The following SSBP4 variants were observed in gnomAD, a reference collection of about 807,000 sequenced individuals.
The protein encoded by SSBP4 is single stranded DNA binding protein 4.
In SSBP4, 33 loss-of-function variants were observed where a neutral mutation model predicts 64.6. That is an observed-to-expected ratio of 0.51 (90% CI 0.39 to 0.68). SSBP4 has a LOEUF of 0.68. SSBP4 is among the 30% of genes least tolerant of loss of function. The probability of loss-of-function intolerance (pLI) is 0.00; values close to 1 mark genes in which losing one functional copy is unlikely to be tolerated. For missense variants in SSBP4, 583 were observed against 566.8 expected, an observed-to-expected ratio of 1.03 and a Z score of -0.29; for synonymous variants, 243 against 224.0, an observed-to-expected ratio of 1.08 and a Z score of -0.76.
At chr19:18,432,949 TG>T (rs1481998906) in intron 13 of SSBP4, 23 bp from the exon 14 acceptor site, 7 of 1,613,984 alleles carry the variant, frequency 4.3e-6, no homozygotes, top group African/African-American at 1.3e-5. Context: ...CCGTCACACC[TG>T]GCACCCTTCT....
upstream of SSBP4, among the ~76,000 whole-genome samples, chr19:18,414,294 T>G (rs8111824): frequency 0.2 from 30,345 of 152,056 alleles, 3,121 homozygotes; most frequent in Admixed American, 0.25. Flanking sequence ...CGTCCTTGGT[T>G]CCTTTACGAG....
In SSBP4 at chr19:18,434,233, C is replaced by T; in HGVS notation, c.1145C>T (p.Thr382Ile). The T allele has an allele frequency of 6.2e-7, 1 of 1,611,898 alleles. No homozygotes were observed. Among genetic ancestry groups the T allele is most frequent in the South Asian group, 1.1e-5 (1 of 91,034 alleles). ...FPSESYSPGM[T>I]MSV is the part of the protein sequence containing the mutation. ...TCTCCGCAGTACTCGCCAGGGATGA[C>T]CATGAGCGTGTGATGGGGCGGCAGC... is the stretch of plus-strand genomic sequence containing the variant. Residue 382 changes from threonine (T) to isoleucine (I), a missense_variant, in exon 18 of 18, where the codon ACC (threonine) becomes ATC (isoleucine). Transcript: ENST00000270061.
At chr19:18,421,298 A>C (rs961271870) in intron 1 of SSBP4, among the ~76,000 whole-genome samples, 2 of 152,156 alleles carry the variant, frequency 1.3e-5, no homozygotes, top group Non-Finnish European at 2.9e-5. Flanking sequence ...ATTTCCAAGC[A>C]CCCTTAAGCC....
rs918514713 is a variant in SSBP4, at chr19:18,427,597, C to T, written c.133-155C>T. ...CATCCAGGCATCTGGTCCACATGCC[C>T]AGCCGGGACCTGCCACACATCCTGG... On this transcript the variant is annotated intron_variant, in intron 2 of 17. Coordinates refer to ENST00000270061, the MANE Select transcript of SSBP4 (RefSeq NM_032627.5). This position sits in a 1 kb window ranked among gnomAD's most constrained non-coding sequence, Gnocchi z 4.4. Among the ~76,000 whole-genome samples, 1 of 152,164 alleles carries T rather than the reference C, an allele frequency of 6.6e-6. No individual in the cohort carries two copies. The highest frequency in any genetic ancestry group is 2.4e-5 in the African/African-American group (1 of 41,438).
the SSBP4 span, among the ~76,000 whole-genome samples, chr19:18,404,831 G>C: frequency 6.9e-6 from 1 of 145,756 alleles, no homozygotes; most frequent in African/African-American, 2.6e-5. Flanking sequence ...GGCAGAGCTT[G>C]CAGTGAGCCA....
upstream of SSBP4, among the ~76,000 whole-genome samples, chr19:18,416,311 G>C: frequency 6.6e-6 from 1 of 152,052 alleles, no homozygotes; most frequent in East Asian, 1.9e-4. Flanking sequence ...CACCGCGCCC[G>C]GCCGGTTTTT....
intron 15 of SSBP4, 77 bp from the exon 16 acceptor site, chr19:18,433,508 G>A: frequency 1.3e-6 from 2 of 1,533,026 alleles, no homozygotes; most frequent in Non-Finnish European, 8.8e-7. Context: ...AGCTTGCGAG[G>A]GTCGTTGGCC....
upstream of SSBP4, among the ~76,000 whole-genome samples, chr19:18,414,154 C>G (rs980239597): frequency 2.0e-5 from 3 of 152,254 alleles, no homozygotes; most frequent in Non-Finnish European, 4.4e-5. Context: ...GCACCCAGAG[C>G]TACCAGCAGC....
the SSBP4 span, among the ~76,000 whole-genome samples, chr19:18,410,475 A>G: frequency 6.6e-6 from 1 of 152,146 alleles, no homozygotes; most frequent in Non-Finnish European, 1.5e-5. Context: ...CCTCTCTAGA[A>G]AAAAATATGG....
At chr19:18,428,003 C>T (rs1253490063) in intron 4 of SSBP4, 21 bp downstream of exon 4, 1 of 1,604,184 alleles carries the variant, frequency 6.2e-7, no homozygotes, top group African/African-American at 1.3e-5. Flanking sequence ...GCCCCAGGGA[C>T]TCAGGGGCTC....
chr19:18,418,989 C>A, upstream of SSBP4: 2 of 985,582 alleles, frequency 2.0e-6, no homozygotes, highest in Non-Finnish European at 2.4e-6. The surrounding 1 kb of genome is among the most constrained non-coding windows in gnomAD (Gnocchi z 6.7). Context: ...GGTAGCTCTG[C>A]GGGGTGAGAC....
the SSBP4 span, among the ~76,000 whole-genome samples, chr19:18,402,820 T>C: frequency 1.3e-5 from 2 of 152,150 alleles, no homozygotes; most frequent in African/African-American, 4.8e-5. Flanking sequence ...TTTCTCCCCA[T>C]GGGATAGTCT....
upstream of SSBP4, chr19:18,419,271 A>G (rs890671121): frequency 3.0e-6 from 3 of 993,170 alleles, no homozygotes; most frequent in African/African-American, 3.5e-5. Flanking sequence ...CGCGGCGGGC[A>G]CTGCGCGTGC....
chr19:18,428,047 GA>G, intron 4 of SSBP4, 65 bp downstream of exon 4: 9 of 1,193,650 alleles, frequency 7.5e-6, no homozygotes, highest in Admixed American at 1.8e-5. Flanking sequence ...TGTGGCTGGG[GA>G]GGTGGGGTGG....
chr19:18,419,535 G>T lies in SSBP4; in HGVS notation c.-114G>T, dbSNP rs1972278439. 1.8e-6 allele frequency: 2 copies of T among 1,131,456 alleles called. No individual in the cohort carries two copies. Among genetic ancestry groups the T allele is most frequent in the African/African-American group, 1.7e-5 (1 of 60,410 alleles). 70.1% of individuals were successfully genotyped at this position (1,131,456 alleles called of 1,614,324 possible). ...CGCGCGGACGATGCCTGCCGTGCCC[G>T]CCTGGGGCTCGGGGCGGTGAGGCCC... is the stretch of plus-strand genomic sequence containing the variant. On this transcript the variant is annotated 5_prime_UTR_variant, in exon 1 of 18. Transcript: ENST00000270061.
chr19:18,433,948 C>A, intron 17 of SSBP4, 131 bp downstream of exon 17: 1 of 1,241,132 alleles, frequency 8.1e-7, no homozygotes, highest in Non-Finnish European at 1.0e-6. Context: ...GGGGCGGCCG[C>A]GGCATCCTTT....
the SSBP4 span, among the ~76,000 whole-genome samples, chr19:18,413,220 G>A: frequency 7.3e-5 from 11 of 151,410 alleles, no homozygotes; most frequent in South Asian, 2.1e-4. Context: ...GAACGTGAGG[G>A]TGGGAGGTTG....
rs776268939 is a variant in SSBP4, at chr19:18,427,347, A to C, written c.60-4A>C. The C allele has an allele frequency of 6.2e-7, 1 of 1,609,562 alleles. No homozygotes were observed. On this transcript the variant is annotated splice_polypyrimidine_tract_variant and splice_region_variant and intron_variant, in intron 1 of 17. Coordinates refer to ENST00000270061, the MANE Select transcript of SSBP4 (RefSeq NM_032627.5). The surrounding 1 kb of genome is among the most constrained non-coding windows in gnomAD (Gnocchi z 4.4). ...GAGCTCCCTGGGCCGCCTCGCCCCCACAGGTTGGCGCTGTACGTTTATGAG... is the reference window on the plus strand; with the variant it reads ...GAGCTCCCTGGGCCGCCTCGCCCCCCCAGGTTGGCGCTGTACGTTTATGAG...
chr19:18,415,012 T>C (rs953634045), upstream of SSBP4, among the ~76,000 whole-genome samples: 3 of 152,120 alleles, frequency 2.0e-5, no homozygotes, highest in African/African-American at 7.2e-5. Context: ...AACACCCCTC[T>C]GCCCATGCTG....
Sources: gnomAD v4.1 joint callset for allele counts (sites outside exome capture counted in the v4.1 genomes callset) on GRCh38, gnomAD v4.1.1 for gene constraint, Gnocchi (gnomAD v3.1) non-coding constraint, MANE v1.5 for transcripts, NCBI Gene and HGNC (gene_info 2026-07-23, HGNC 2026-07-21) for gene names.